The following PRKN variants were observed in gnomAD, a reference collection of about 807,000 sequenced individuals.
The protein encoded by PRKN is E3 ubiquitin-protein ligase parkin.
A neutral mutation model predicts 59.5 loss-of-function variants in PRKN; 56 were observed. That is an observed-to-expected ratio of 0.94 (90% CI 0.76 to 1.18). The LOEUF is 1.18. Ranked by LOEUF, PRKN falls within the 50% of genes most tolerant of loss-of-function variation. The pLI is 0.00. For missense variants in PRKN, 657 were observed against 596.4 expected (o/e 1.10, Z -1.06); for synonymous variants, 250 against 222.1 (o/e 1.13, Z -1.12).
rs145507049 is a variant in PRKN, at chr6:162,037,303, C to A, written c.618+16788G>T. Among the ~76,000 whole-genome samples the A allele has an allele frequency of 3.1e-3, 475 of 152,238 alleles. 1 individual carries two copies. Among genetic ancestry groups the A allele is most frequent in the African/African-American group, 0.011 (459 of 41,536 alleles). ...TCAACAAAATAAATGGGATGCATCA[C>A]CAAATGTGCTCATAGAGACCTGTAT... On this transcript the variant is annotated intron_variant, in intron 5 of 11. Transcript: ENST00000366898.
intron 7 of PRKN, among the ~76,000 whole-genome samples, chr6:161,764,370 C>T (rs1789335486): frequency 6.6e-6 from 1 of 152,190 alleles, no homozygotes; most frequent in South Asian, 2.1e-4. Context: ...ATAAAATGGA[C>T]AGGATGCTTG....
rs1786367784 is a variant in PRKN, at chr6:161,388,587, G to A, written c.1084-1710C>T. Among the ~76,000 whole-genome samples the A allele has an allele frequency of 6.6e-6, 1 of 152,166 alleles. No individual in the cohort carries two copies. The stretch of plus-strand genomic sequence containing the variant: ...AGTATCCTCTTTCCCTTGAGAGGTG[G>A]GCTTTATGTCTCTTCTGCTGACAGC... On this transcript the variant is annotated intron_variant, in intron 9 of 11. Transcript: ENST00000366898. This position sits in a 1 kb window ranked among gnomAD's most constrained non-coding sequence, Gnocchi z 4.3.
At position 161,414,090 on chromosome 6, in the gene PRKN, G is replaced by A. The variant is rs151279530; in HGVS notation, c.1084-27213C>T. Among the ~76,000 whole-genome samples, 25 of 152,202 alleles carry A rather than the reference G, an allele frequency of 1.6e-4. No homozygotes were observed. Among genetic ancestry groups the A allele is most frequent in the African/African-American group, 6.0e-4 (25 of 41,510 alleles). Reference sequence around the variant, plus strand: ...GGAGGGTCAGTGAGGGCAGGGTACTGGTGTCATTTTAATTCAGACTTCTCT... The same window carrying A: ...GGAGGGTCAGTGAGGGCAGGGTACTAGTGTCATTTTAATTCAGACTTCTCT... On this transcript the variant is annotated intron_variant, in intron 9 of 11. Transcript: ENST00000366898. This position sits in a 1 kb window ranked among gnomAD's most constrained non-coding sequence, Gnocchi z 5.3.
intron 3 of PRKN, among the ~76,000 whole-genome samples, chr6:162,228,914 C>T (rs1483459322): frequency 6.6e-6 from 1 of 152,168 alleles, no homozygotes; most frequent in Non-Finnish European, 1.5e-5. Context: ...CAAGCTTCCA[C>T]ATGCACCACC....
At chr6:162,553,153 G>A (rs1026905772) in intron 1 of PRKN, among the ~76,000 whole-genome samples, 2 of 152,124 alleles carry the variant, frequency 1.3e-5, no homozygotes, top group Non-Finnish European at 2.9e-5. Context: ...TTGGGGAAAT[G>A]AGAGAAGACA....
intron 5 of PRKN, among the ~76,000 whole-genome samples, chr6:162,035,569 A>G (rs1240810496): frequency 6.6e-6 from 1 of 152,240 alleles, no homozygotes; most frequent in Non-Finnish European, 1.5e-5. Context: ...AAAAAATTAT[A>G]GATCATGTAG....
In PRKN at chr6:162,438,216, C is replaced by T. The variant is rs1789877653; in HGVS notation, c.171+5094G>A. 2.0e-5 allele frequency among the ~76,000 whole-genome samples: 3 copies of T among 152,110 alleles called. No individual in the cohort carries two copies. In the South Asian group the frequency reaches 6.2e-4, roughly 32 times the overall value. ...TGTAGGTCAAGTTTAGAAATCTTACCTTTCCTTGCATCTGTGTTTATGTTT... is the reference window on the plus strand; with the variant it reads ...TGTAGGTCAAGTTTAGAAATCTTACTTTTCCTTGCATCTGTGTTTATGTTT... On this transcript the variant is annotated intron_variant, in intron 2 of 11. Coordinates refer to ENST00000366898, the MANE Select transcript of PRKN (RefSeq NM_004562.3).
intron 1 of PRKN, chr6:162,568,428 G>A: frequency 1.7e-6 from 1 of 591,400 alleles, no homozygotes; most frequent in East Asian, 3.3e-5. Context: ...ACCTCTATGG[G>A]CAGCAGCAGC....
At chr6:162,324,649 C>T (rs1783184460) in intron 2 of PRKN, among the ~76,000 whole-genome samples, 1 of 152,046 alleles carries the variant, frequency 6.6e-6, no homozygotes, top group Non-Finnish European at 1.5e-5. Context: ...ACAACTTGCA[C>T]ACACACTATA....
At chr6:161,703,350 A>T (rs1042516980) in intron 7 of PRKN, among the ~76,000 whole-genome samples, 5 of 152,220 alleles carry the variant, frequency 3.3e-5, no homozygotes, top group African/African-American at 1.2e-4. Flanking sequence ...CAAAGGAGAT[A>T]TATAAATGGC....
chr6:162,687,957 C>T (rs1341512661), intron 1 of PRKN, among the ~76,000 whole-genome samples: 1 of 152,092 alleles, frequency 6.6e-6, no homozygotes, highest in African/African-American at 2.4e-5. Flanking sequence ...TTTGAGGATC[C>T]TGTTGCTGGA....
intron 9 of PRKN, among the ~76,000 whole-genome samples, chr6:161,406,992 G>A (rs1292105330): frequency 2.0e-5 from 3 of 152,086 alleles, no homozygotes; most frequent in Non-Finnish European, 2.9e-5. Context: ...GCCAGCCAAG[G>A]TTTAGGCTCG....
chr6:161,847,683 G>A (rs927326500), intron 6 of PRKN, among the ~76,000 whole-genome samples: 35 of 151,912 alleles, frequency 2.3e-4, no homozygotes, highest in African/African-American at 8.2e-4. Context: ...TGAATCCGGG[G>A]TGCATCACTT....
At chr6:162,296,329 G>C (rs1460641420) in intron 2 of PRKN, among the ~76,000 whole-genome samples, 1 of 151,428 alleles carries the variant, frequency 6.6e-6, no homozygotes, top group Non-Finnish European at 1.5e-5. Flanking sequence ...TCCAGGAAGG[G>C]TATGAGCACA....
chr6:162,284,982 G>A (rs891835182), intron 2 of PRKN, among the ~76,000 whole-genome samples: 1 of 152,100 alleles, frequency 6.6e-6, no homozygotes, highest in Non-Finnish European at 1.5e-5. Flanking sequence ...AACATGAATG[G>A]AATCCTTTTA....
chr6:161,469,824 A>C (rs1254119033), intron 9 of PRKN, among the ~76,000 whole-genome samples: 1 of 152,198 alleles, frequency 6.6e-6, no homozygotes, highest in African/African-American at 2.4e-5. Flanking sequence ...CATTTGTGAT[A>C]ATTTTTTACA....
chr6:162,578,711 T>A (rs1780660369), intron 1 of PRKN, among the ~76,000 whole-genome samples: 1 of 152,350 alleles, frequency 6.6e-6, no homozygotes, highest in South Asian at 2.1e-4. Context: ...TAAGCATTCT[T>A]GATTTGATTT....
intron 4 of PRKN, among the ~76,000 whole-genome samples, chr6:162,088,840 C>A (rs1779359375): frequency 6.6e-6 from 1 of 152,118 alleles, no homozygotes; most frequent in Admixed American, 6.6e-5. Context: ...GAAAAATAAT[C>A]CCCTCAATAA....
intron 7 of PRKN, among the ~76,000 whole-genome samples, chr6:161,780,363 T>C (rs1790152006): frequency 6.6e-6 from 1 of 152,116 alleles, no homozygotes; most frequent in Admixed American, 6.5e-5. Context: ...CACAAAGACT[T>C]AATGTACAGA....
Sources: gnomAD v4.1 joint callset for allele counts (sites outside exome capture counted in the v4.1 genomes callset) on GRCh38, gnomAD v4.1.1 for gene constraint, Gnocchi (gnomAD v3.1) non-coding constraint, MANE v1.5 for transcripts, NCBI Gene and HGNC (gene_info 2026-07-23, HGNC 2026-07-21) for gene names.